Variants in GPR176 observed in about 807,000 individuals in gnomAD.
GPR176 encodes the protein G protein-coupled receptor 176, also known as G-protein coupled receptor 176.
In GPR176, 26 loss-of-function variants were observed where a neutral mutation model predicts 35.4. That is an observed-to-expected ratio of 0.74 (90% CI 0.54 to 1.02). The LOEUF (loss-of-function observed/expected upper bound fraction) is 1.02. Among genes scored for constraint, GPR176 ranks in the 50% least tolerant of loss-of-function variants. GPR176 has a pLI of 0.00. For missense variants in GPR176, 597 were observed against 665.3 expected (o/e 0.90, Z 1.13); for synonymous variants, 278 against 271.3 (o/e 1.02, Z -0.24).
At chr15:39,919,333 G>A (rs936487132) in intron 1 of GPR176, among the ~76,000 whole-genome samples, 1 of 152,060 alleles carries the variant, frequency 6.6e-6, no homozygotes, top group African/African-American at 2.4e-5. Context: ...ACTTCACAGG[G>A]TTGTTTACCA....
rs1211302442 is a variant in GPR176, at chr15:39,873,617, TTTTC to T, written c.172+46234_172+46237del. Reference sequence around the variant, plus strand: ...TTAACCAGCCATGGGCTAGTTTTTCTTTTCTTTTTTTTTTTTTGAGACTAGTTTT... The same window carrying T: ...TTAACCAGCCATGGGCTAGTTTTTCTTTTTTTTTTTTTTGAGACTAGTTTT... On this transcript the variant is annotated intron_variant, in intron 1 of 2. Transcript: ENST00000561100. Among the ~76,000 whole-genome samples, 635 of 121,950 alleles carry T rather than the reference TTTTC, an allele frequency of 5.2e-3. 7 individuals carry two copies. Among genetic ancestry groups the T allele is most frequent in the African/African-American group, 0.018 (598 of 33,042 alleles). 80.0% of individuals were successfully genotyped at this position (121,950 alleles called of 152,430 possible).
intron 1 of GPR176, among the ~76,000 whole-genome samples, chr15:39,883,339 G>A (rs916879254): frequency 6.6e-6 from 1 of 151,740 alleles, no homozygotes; most frequent in African/African-American, 2.4e-5. Flanking sequence ...ATCTTTCACT[G>A]ATATGAGAAA....
At chr15:39,894,581 G>A (rs184328102) in intron 1 of GPR176, 2,118 of 181,438 alleles carry the variant, frequency 0.012, 48 homozygotes, top group African/African-American at 0.048. Context: ...CATCCCAGAC[G>A]GGGCGGCAGG....
chr15:39,805,271 G>A (rs1039268503), intron 2 of GPR176, among the ~76,000 whole-genome samples: 3 of 152,052 alleles, frequency 2.0e-5, no homozygotes, highest in Admixed American at 1.3e-4. Flanking sequence ...TTCCAGTCCT[G>A]TGCAATGGCA....
intron 1 of GPR176, among the ~76,000 whole-genome samples, chr15:39,837,863 G>A (rs1472832127): frequency 2.6e-5 from 4 of 151,672 alleles, no homozygotes; most frequent in Non-Finnish European, 5.9e-5. Flanking sequence ...ATTAATATGC[G>A]CTTGTTCTGG....
At chr15:39,888,414 C>G (rs531920723) in intron 1 of GPR176, among the ~76,000 whole-genome samples, 1 of 152,230 alleles carries the variant, frequency 6.6e-6, no homozygotes, top group Admixed American at 6.5e-5. Flanking sequence ...GTCCCCCAAG[C>G]AGCTAGGACT....
At chr15:39,903,299 C>A (rs1385428539) in intron 1 of GPR176, among the ~76,000 whole-genome samples, 1 of 152,082 alleles carries the variant, frequency 6.6e-6, no homozygotes, top group Non-Finnish European at 1.5e-5. Flanking sequence ...GGAGAAGGCA[C>A]GATGACCTGA....
At chr15:39,834,436 G>C (rs909317836) in intron 1 of GPR176, among the ~76,000 whole-genome samples, 1 of 152,110 alleles carries the variant, frequency 6.6e-6, no homozygotes, top group Admixed American at 6.6e-5. Flanking sequence ...GGATGAGCAA[G>C]CCCTATAATA....
At chr15:39,908,346 T>C (rs868188633) in intron 1 of GPR176, among the ~76,000 whole-genome samples, 1 of 152,212 alleles carries the variant, frequency 6.6e-6, no homozygotes, top group Non-Finnish European at 1.5e-5. Context: ...GGCATCTGAT[T>C]TCCATTGCAT....
At chr15:39,825,144 C>A (rs1002423752) in intron 1 of GPR176, among the ~76,000 whole-genome samples, 8 of 152,268 alleles carry the variant, frequency 5.3e-5, no homozygotes, top group African/African-American at 1.9e-4. Flanking sequence ...GAGGCCAGGG[C>A]CTCAGTGAGC....
chr15:39,881,155 C>A (rs552226753), intron 1 of GPR176, among the ~76,000 whole-genome samples: 2 of 152,304 alleles, frequency 1.3e-5, no homozygotes, highest in East Asian at 3.9e-4. Context: ...TTTGCTCTCA[C>A]TGGCCTGTCT....
chr15:39,846,877 T>A (rs2030466997), intron 1 of GPR176, among the ~76,000 whole-genome samples: 1 of 152,122 alleles, frequency 6.6e-6, no homozygotes, highest in Non-Finnish European at 1.5e-5. Flanking sequence ...GGTAAAATTA[T>A]CAGAAAATAT....
At chr15:39,845,249 T>C (rs1450733174) in intron 1 of GPR176, among the ~76,000 whole-genome samples, 2 of 152,074 alleles carry the variant, frequency 1.3e-5, no homozygotes, top group Non-Finnish European at 1.5e-5. Flanking sequence ...TCAATTCACA[T>C]GAAGTCCTTG....
At chr15:39,809,127 C>T (rs1357452462) in intron 1 of GPR176, among the ~76,000 whole-genome samples, 1 of 152,088 alleles carries the variant, frequency 6.6e-6, no homozygotes, top group Non-Finnish European at 1.5e-5. Context: ...CTTTAAAACC[C>T]GAGACTGCTA....
intron 1 of GPR176, among the ~76,000 whole-genome samples, chr15:39,884,449 A>G (rs2032595889): frequency 6.6e-6 from 1 of 152,216 alleles, no homozygotes; most frequent in Non-Finnish European, 1.5e-5. Flanking sequence ...TTTGTATTTG[A>G]CTTTATGTAT....
chr15:39,846,618 A>G (rs4923842), intron 1 of GPR176, among the ~76,000 whole-genome samples: 8,166 of 152,242 alleles, frequency 0.054, 651 homozygotes, highest in Admixed American at 0.2. Context: ...AATTAGGGAT[A>G]AGAAACTAGA....
chr15:39,804,502 G>A (rs1056050448), intron 2 of GPR176, among the ~76,000 whole-genome samples: 3 of 151,900 alleles, frequency 2.0e-5, no homozygotes, highest in Non-Finnish European at 4.4e-5. Flanking sequence ...TACTGTTTTC[G>A]TATTTCTTTG....
intron 1 of GPR176, among the ~76,000 whole-genome samples, chr15:39,855,698 T>C (rs1469499743): frequency 3.3e-5 from 5 of 152,230 alleles, no homozygotes; most frequent in African/African-American, 4.8e-5. Flanking sequence ...TTGAGTTATG[T>C]GGCCATCTCT....
chr15:39,865,510 G>T (rs2031790444), intron 1 of GPR176, among the ~76,000 whole-genome samples: 1 of 152,120 alleles, frequency 6.6e-6, no homozygotes, highest in Admixed American at 6.5e-5. Context: ...GTGTACACAT[G>T]GAGGTAGAGC....
Sources: allele counts gnomAD v4.1 joint callset (sites outside exome capture counted in the v4.1 genomes callset), GRCh38; gene constraint gnomAD v4.1.1; transcripts MANE v1.5; gene names NCBI Gene and HGNC (gene_info 2026-07-23, HGNC 2026-07-21).